The following FAM227B variants were observed in gnomAD, a reference collection of about 807,000 sequenced individuals.
FAM227B encodes the protein protein FAM227B.
A neutral mutation model predicts 73.8 loss-of-function variants in FAM227B; 88 were observed. The ratio of observed to expected loss-of-function variants is 1.19; its 90% confidence interval spans 1.00 to 1.42. The LOEUF (loss-of-function observed/expected upper bound fraction) is 1.42, where lower values mean the gene tolerates loss of function less well. FAM227B is among the 40% of genes most tolerant of loss of function. The probability of loss-of-function intolerance (pLI) is 0.00; values close to 1 mark genes in which losing one functional copy is unlikely to be tolerated. For missense variants in FAM227B, 632 were observed against 590.9 expected (o/e 1.07, Z -0.72); for synonymous variants, 210 against 190.5 (o/e 1.10, Z -0.84).
At chr15:49,372,204 GAAAT>G (rs1409976424) in intron 11 of FAM227B, among the ~76,000 whole-genome samples, 1 of 144,088 alleles carries the variant, frequency 6.9e-6, no homozygotes, top group Non-Finnish European at 1.5e-5. Context: ...ATAAATAAAT[GAAAT>G]AAAATTCACT....
chr15:49,396,436 G>T (rs2047642174), intron 11 of FAM227B: 1 of 201,202 alleles, frequency 5.0e-6, no homozygotes, highest in South Asian at 6.5e-5. Context: ...GCCCGCCATT[G>T]CCCAGGCTTG....
chr15:49,446,574 G>A (rs1308355107), intron 11 of FAM227B, among the ~76,000 whole-genome samples: 2 of 151,268 alleles, frequency 1.3e-5, no homozygotes, highest in Non-Finnish European at 3.0e-5. Flanking sequence ...ATTGGTTGGA[G>A]GATTTCATAG....
chr15:49,343,244 TG>T (rs1457769157), intron 13 of FAM227B, among the ~76,000 whole-genome samples: 2 of 152,170 alleles, frequency 1.3e-5, no homozygotes, highest in Non-Finnish European at 2.9e-5. Flanking sequence ...TTTAATTTTT[TG>T]TCAGACTTGG....
At chr15:49,449,056 T>C (rs556694404) in intron 11 of FAM227B, among the ~76,000 whole-genome samples, 1 of 151,870 alleles carries the variant, frequency 6.6e-6, no homozygotes, top group Non-Finnish European at 1.5e-5. Context: ...CCTTGATAAG[T>C]AATTTTTGGC....
intron 13 of FAM227B, among the ~76,000 whole-genome samples, chr15:49,338,932 T>C (rs1450674345): frequency 2.0e-5 from 3 of 152,222 alleles, no homozygotes; most frequent in African/African-American, 4.8e-5. Context: ...CTATTGATAC[T>C]TGTGTATGCT....
chr15:49,394,670 G>A (rs76744105), intron 11 of FAM227B, among the ~76,000 whole-genome samples: 4 of 152,110 alleles, frequency 2.6e-5, no homozygotes, highest in Admixed American at 6.5e-5. Flanking sequence ...TGAAAAGGAA[G>A]AATTGCAAAA....
chr15:49,352,885 G>A (rs1169095799), intron 13 of FAM227B, among the ~76,000 whole-genome samples: 1 of 152,052 alleles, frequency 6.6e-6, no homozygotes, highest in African/African-American at 2.4e-5. Flanking sequence ...GAATTTCTTG[G>A]TTTTGAGACA....
intron 9 of FAM227B, among the ~76,000 whole-genome samples, chr15:49,558,590 AC>A (rs1326507728): frequency 6.6e-6 from 1 of 151,654 alleles, no homozygotes; most frequent in Non-Finnish European, 1.5e-5. Context: ...GGTTCCCCCC[AC>A]CTAAGTGTTC....
Position 49,525,701 on chromosome 15 carries a change from T to C in FAM227B, c.874+15979A>G, listed in dbSNP as rs748772786. ...ATATATATATATATATATATATATA[T>C]ATATATATATATATATATCACAAAC... is the stretch of plus-strand genomic sequence containing the variant. On this transcript the variant is annotated intron_variant, in intron 10 of 15. Transcript: ENST00000299338. Among the ~76,000 whole-genome samples, 129 of 64,220 alleles carry C rather than the reference T, an allele frequency of 2.0e-3. 6 individuals are homozygous for C. Among genetic ancestry groups the C allele is most frequent in the Non-Finnish European group, 3.2e-3 (76 of 23,740 alleles). 42.1% of individuals were successfully genotyped at this position (64,220 alleles called of 152,430 possible).
In FAM227B at chr15:49,489,874, A is replaced by ATTT. The variant is rs1472071670; in HGVS notation, c.1012+18336_1012+18337insAAA. On this transcript the variant is annotated intron_variant, in intron 11 of 15. Transcript: ENST00000299338. The stretch of plus-strand genomic sequence containing the variant: ...ATATATATATTTTATATATATATAT[A>ATTT]TATATATATAGAGAGAGAGAGAGAG... 1.9e-3 allele frequency among the ~76,000 whole-genome samples: 32 copies of ATTT among 16,900 alleles called. 6 individuals carry two copies. The highest frequency in any genetic ancestry group is 0.026 in the Middle Eastern group (1 of 38). 11.1% of individuals were successfully genotyped at this position (16,900 alleles called of 152,430 possible). A position where few individuals can be genotyped will look rare whatever the true frequency, so the allele number is the denominator to read the frequency against.
At chr15:49,573,287 T>C (rs546871439) in intron 8 of FAM227B, among the ~76,000 whole-genome samples, 6 of 152,186 alleles carry the variant, frequency 3.9e-5, no homozygotes, top group South Asian at 2.1e-4. Context: ...CTGAAAACAC[T>C]GTGTTTGACT....
intron 13 of FAM227B, among the ~76,000 whole-genome samples, chr15:49,358,800 A>T (rs2043645471): frequency 6.6e-6 from 1 of 152,134 alleles, no homozygotes; most frequent in Non-Finnish European, 1.5e-5. Flanking sequence ...AGCCAGAAGA[A>T]CAAAGCTGGA....
chr15:49,475,972 T>C (rs1366160706), intron 11 of FAM227B, among the ~76,000 whole-genome samples: 1 of 152,200 alleles, frequency 6.6e-6, no homozygotes, highest in Non-Finnish European at 1.5e-5. Flanking sequence ...CTCACTATTT[T>C]GTTACACTTC....
At position 49,547,238 on chromosome 15, in the gene FAM227B, T is replaced by C. The variant is rs551955972; in HGVS notation, c.748-5432A>G. ...ACAGACAAGCAAATGCTGAGAGATTTTGTCACCACCAGGCCTGCCCTAGAA... is the reference window on the plus strand; with the variant it reads ...ACAGACAAGCAAATGCTGAGAGATTCTGTCACCACCAGGCCTGCCCTAGAA... On this transcript the variant is annotated intron_variant, in intron 9 of 15. Coordinates refer to ENST00000299338, the MANE Select transcript of FAM227B (RefSeq NM_152647.3). Among the ~76,000 whole-genome samples, 139 of 152,090 alleles carry C rather than the reference T, an allele frequency of 9.1e-4. 5 individuals carry two copies. The South Asian group carries it at 0.026, about 29-fold the overall frequency.
chr15:49,353,079 T>G (rs2413942), intron 13 of FAM227B, among the ~76,000 whole-genome samples: 2 of 152,136 alleles, frequency 1.3e-5, no homozygotes, highest in Admixed American at 6.5e-5. Context: ...GGTGAGTTGA[T>G]GAAATGAGAA....
intron 1 of FAM227B, among the ~76,000 whole-genome samples, chr15:49,617,618 G>A (rs2078371697): frequency 6.6e-6 from 1 of 151,334 alleles, no homozygotes; most frequent in South Asian, 2.1e-4. Context: ...TTTCAGATTT[G>A]CAAGATACTA....
intron 10 of FAM227B, among the ~76,000 whole-genome samples, chr15:49,532,914 G>A (rs1231934579): frequency 2.0e-5 from 3 of 151,580 alleles, no homozygotes. Flanking sequence ...TATTTTAATT[G>A]GCTAGCATAT....
At chr15:49,546,356 C>T (rs967528172) in intron 9 of FAM227B, among the ~76,000 whole-genome samples, 3 of 152,148 alleles carry the variant, frequency 2.0e-5, no homozygotes, top group African/African-American at 4.8e-5. Context: ...TCCAGTCTAT[C>T]GTTGTTGGAC....
chr15:49,419,294 T>A (rs2049428755), intron 11 of FAM227B, among the ~76,000 whole-genome samples: 1 of 152,118 alleles, frequency 6.6e-6, no homozygotes, highest in South Asian at 2.1e-4. Flanking sequence ...TGCTCCCAGG[T>A]CCATGGGACT....
Sources: gnomAD v4.1 joint callset for allele counts (sites outside exome capture counted in the v4.1 genomes callset) on GRCh38, gnomAD v4.1.1 for gene constraint, MANE v1.5 for transcripts, NCBI Gene and HGNC (gene_info 2026-07-23, HGNC 2026-07-21) for gene names.